The following PHF3 variants were observed in gnomAD, a reference collection of about 807,000 sequenced individuals.
PHF3 encodes PHD finger protein 3.
PHF3 carries 41 observed loss-of-function variants against 178.4 expected under a neutral mutation model. The observed-to-expected ratio is 0.23, with a 90% confidence interval of 0.18 to 0.30. The LOEUF is 0.30. PHF3 is among the 10% of genes least tolerant of loss of function. PHF3 has a pLI of 1.00. For missense variants in PHF3, 2,346 were observed against 2,398.1 expected (o/e 0.98, Z 0.45); for synonymous variants, 842 against 800.5 (o/e 1.05, Z -0.88).
rs532432881 is a variant in PHF3 at position 63,640,618 on chromosome 6, G to T, written c.-26+4468G>T. On this transcript the variant is annotated intron_variant, in intron 1 of 15. Coordinates refer to ENST00000262043, the MANE Select transcript of PHF3 (RefSeq NM_001370348.2). Reference sequence around the variant, plus strand: ...TGAAATTTTCTGGGTTCAGATTTTAGCTCTGTTCTTCCTGTAGGAGATAGC... The same window carrying T: ...TGAAATTTTCTGGGTTCAGATTTTATCTCTGTTCTTCCTGTAGGAGATAGC... 2.0e-5 allele frequency among the ~76,000 whole-genome samples: 3 copies of T among 152,300 alleles called. No individual in the cohort carries two copies. In the South Asian group the frequency reaches 6.2e-4, roughly 32 times the overall value.
chr6:63,641,928 T>C (rs1764594166), intron 1 of PHF3, among the ~76,000 whole-genome samples: 1 of 152,088 alleles, frequency 6.6e-6, no homozygotes, highest in African/African-American at 2.4e-5. Flanking sequence ...GCGCCCGGCC[T>C]AAAGTGAAAT....
chr6:63,650,678 T>G (rs1764984103), intron 2 of PHF3, among the ~76,000 whole-genome samples: 1 of 152,246 alleles, frequency 6.6e-6, no homozygotes, highest in Admixed American at 6.5e-5. Flanking sequence ...AGTTTGAGGC[T>G]CCTTTATCAC....
chr6:63,701,360 A>T (rs1767468492), intron 9 of PHF3, among the ~76,000 whole-genome samples: 1 of 152,174 alleles, frequency 6.6e-6, no homozygotes, highest in Non-Finnish European at 1.5e-5. Context: ...AAATTTAAAA[A>T]TTCTGAAACT....
rs1768234713 is a variant in PHF3 at position 63,717,826 on chromosome 6, T to A, written c.*4118T>A. 6.6e-6 allele frequency among the ~76,000 whole-genome samples: 1 copy of A among 152,052 alleles called. No homozygotes were observed. The highest frequency in any genetic ancestry group is 2.4e-5 in the African/African-American group (1 of 41,436). On this transcript the variant is annotated 3_prime_UTR_variant, in exon 16 of 16. Transcript: ENST00000262043. ...TTTTAAGATAATTTTGTCCTCAAAG[T>A]AATGATTTTTTTCAGGAACTTATTA...
At chr6:63,644,691 T>C (rs1381458456) in intron 1 of PHF3, among the ~76,000 whole-genome samples, 1 of 152,148 alleles carries the variant, frequency 6.6e-6, no homozygotes, top group Non-Finnish European at 1.5e-5. Flanking sequence ...ACATTAACTT[T>C]TGTGAGAGAG....
chr6:63,695,346 A>G (rs1035271253), intron 6 of PHF3, among the ~76,000 whole-genome samples: 1 of 152,176 alleles, frequency 6.6e-6, no homozygotes, highest in Non-Finnish European at 1.5e-5. Flanking sequence ...TATTGCTCGT[A>G]CCCTATTTTA....
At chr6:63,639,171 G>T (rs1467688858) in intron 1 of PHF3, among the ~76,000 whole-genome samples, 1 of 152,112 alleles carries the variant, frequency 6.6e-6, no homozygotes, top group Non-Finnish European at 1.5e-5. Flanking sequence ...AGTGAAGAGT[G>T]GATATAGAGA....
intron 2 of PHF3, among the ~76,000 whole-genome samples, chr6:63,674,071 A>G (rs1395262981): frequency 1.3e-5 from 2 of 152,018 alleles, no homozygotes; most frequent in Non-Finnish European, 2.9e-5. Context: ...GGGAAATTTT[A>G]AATTTGACTT....
At chr6:63,706,655 G>T in intron 12 of PHF3, 74 bp from the exon 13 acceptor site, 1 of 1,416,522 alleles carries the variant, frequency 7.1e-7, no homozygotes, top group South Asian at 1.3e-5. Flanking sequence ...GCTAAAATAC[G>T]AGTAACTGAT....
chr6:63,680,948 G>A (rs769701105), intron 3 of PHF3, among the ~76,000 whole-genome samples: 18 of 151,834 alleles, frequency 1.2e-4, no homozygotes, highest in Non-Finnish European at 1.9e-4. Flanking sequence ...TCCTCTTTCT[G>A]GATTCAATTT....
intron 12 of PHF3, 42 bp downstream of exon 12, chr6:63,706,266 T>G: frequency 1.4e-6 from 2 of 1,432,186 alleles, no homozygotes; most frequent in Non-Finnish European, 9.5e-7. Context: ...TCATTATAGA[T>G]CTTTGCCAGA....
At position 63,720,421 on chromosome 6, in the gene PHF3, A is replaced by G. The variant is rs531684186; in HGVS notation, c.*6713A>G. 1.9e-6 allele frequency: 1 copy of G among 540,036 alleles called. No individual in the cohort carries two copies. The highest frequency in any genetic ancestry group is 3.5e-5 in the South Asian group (1 of 28,900). The allele number at this position is 540,036 out of a possible 1,614,324, so 33.5% of individuals were successfully genotyped here. On this transcript the variant is annotated 3_prime_UTR_variant, in exon 16 of 16. Coordinates refer to ENST00000262043, the MANE Select transcript of PHF3 (RefSeq NM_001370348.2). ...TATACAGATAAATTAGATGTAGGAA[A>G]AACAATCAGAACCTTCAGTGACATT...
rs11285703 is a variant in PHF3, at chr6:63,646,806, C to CTTT, written c.244+31_244+33dup. On this transcript the variant is annotated intron_variant, in intron 2 of 15. Transcript: ENST00000262043. ...TGCCTTGTTCAACAGGTAATTCTTA[C>CTTT]TTTTTTTTTTTTTTTTTTTTTTAGT... 329 of 1,012,622 alleles carry CTTT rather than the reference C, an allele frequency of 3.2e-4. No individual in the cohort carries two copies. The highest frequency in any genetic ancestry group is 3.5e-4 in the Non-Finnish European group (291 of 829,612). The allele number at this position is 1,012,622 out of a possible 1,614,324, so 62.7% of individuals were successfully genotyped here. A position where few individuals can be genotyped will look rare whatever the true frequency, so the allele number is the denominator to read the frequency against.
Position 63,719,593 on chromosome 6 carries a change from G to C in PHF3, c.*5885G>C. Among the ~76,000 whole-genome samples the C allele has an allele frequency of 6.6e-6, 1 of 152,142 alleles. No individual in the cohort carries two copies. The highest frequency in any genetic ancestry group is 2.4e-5 in the African/African-American group (1 of 41,548). ...GGAAGTGAAAGTTCTGTTCACAATTGTATCAGTAACTGTTTTGGGAAAAAT... is the reference window on the plus strand; with the variant it reads ...GGAAGTGAAAGTTCTGTTCACAATTCTATCAGTAACTGTTTTGGGAAAAAT... On this transcript the variant is annotated 3_prime_UTR_variant, in exon 16 of 16. Coordinates refer to ENST00000262043, the MANE Select transcript of PHF3 (RefSeq NM_001370348.2).
At position 63,712,807 on chromosome 6, in the gene PHF3, A is replaced by G. The variant is rs922784823; in HGVS notation, c.5219A>G (p.Gln1740Arg). The change falls in exon 16 of 16, where the codon CAG becomes CGG. Residue 1740 changes from glutamine to arginine, a missense_variant. Transcript: ENST00000262043. ...TSQAEQAKPLQEDILMQNIET... is the reference protein window; with the variant it reads ...TSQAEQAKPLREDILMQNIET... Reference sequence around the variant, plus strand: ...CAAGCAGAACAAGCAAAACCCTTACAGGAGGATATTTTAATGCAAAATATT... The same window carrying G: ...CAAGCAGAACAAGCAAAACCCTTACGGGAGGATATTTTAATGCAAAATATT... 3.7e-6 allele frequency: 6 copies of G among 1,614,074 alleles called. No individual in the cohort carries two copies. The highest frequency in any genetic ancestry group is 4.2e-6 in the Non-Finnish European group (5 of 1,179,990).
intron 1 of PHF3, among the ~76,000 whole-genome samples, chr6:63,643,277 T>A (rs1239155437): frequency 6.6e-6 from 1 of 152,218 alleles, no homozygotes; most frequent in Non-Finnish European, 1.5e-5. Flanking sequence ...TTGAGACTGA[T>A]CACTTTGTAT....
chr6:63,680,244 C>G (rs1007477831), intron 3 of PHF3, 83 bp downstream of exon 3: 1 of 1,182,138 alleles, frequency 8.5e-7, no homozygotes, highest in Non-Finnish European at 1.2e-6. Flanking sequence ...GAGCAGAAAT[C>G]ATATTTTCTT....
In PHF3 at chr6:63,712,575, A is replaced by G. The variant is rs1767997909; in HGVS notation, c.4987A>G (p.Thr1663Ala). ...AGCAGCAGGACGAAGTCAGCCTGTA[A>G]CTACTTCAGAAAGCAAAGATGGAGA... ...RQAAGRSQPVTTSESKDGDSC... is the reference protein window; with the variant it reads ...RQAAGRSQPVATSESKDGDSC... The change falls in exon 16 of 16, where the codon ACT (threonine) becomes GCT (alanine). Residue 1663 changes from threonine to alanine, a missense_variant. Transcript: ENST00000262043. 1.2e-6 allele frequency: 2 copies of G among 1,613,820 alleles called. No homozygotes were observed. The highest frequency in any genetic ancestry group is 2.2e-5 in the East Asian group (1 of 44,862).
intron 3 of PHF3, among the ~76,000 whole-genome samples, chr6:63,680,653 G>T (rs1766395738): frequency 1.3e-5 from 2 of 151,878 alleles, no homozygotes; most frequent in African/African-American, 4.8e-5. Flanking sequence ...GACTTCTTGT[G>T]TTTCTGATTT....
Sources: allele counts gnomAD v4.1 joint callset (sites outside exome capture counted in the v4.1 genomes callset), GRCh38; gene constraint gnomAD v4.1.1; transcripts MANE v1.5; gene names NCBI Gene and HGNC (gene_info 2026-07-23, HGNC 2026-07-21).